The following AKAP3 variants were observed in gnomAD, a reference collection of about 807,000 sequenced individuals.
AKAP3 encodes A-kinase anchor protein 3.
Under a neutral mutation model 57.2 loss-of-function variants are expected in AKAP3, and 27 were observed. The observed-to-expected ratio is 0.47, with a 90% CI of 0.35 to 0.65. The LOEUF (loss-of-function observed/expected upper bound fraction) is 0.65. Ranked by LOEUF, AKAP3 falls within the 30% of genes least tolerant of loss-of-function variation. The probability of loss-of-function intolerance (pLI) is 0.01; values close to 1 mark genes in which losing one functional copy is unlikely to be tolerated. For synonymous variants in AKAP3, 334 were observed against 392.3 expected, an observed-to-expected ratio of 0.85 and a Z score of 1.76; for missense variants, 959 against 1,040.0, an observed-to-expected ratio of 0.92 and a Z score of 1.07.
intron 1 of AKAP3, among the ~76,000 whole-genome samples, chr12:4,648,231 A>G (rs1185546880): frequency 6.6e-6 from 1 of 152,236 alleles, no homozygotes; most frequent in African/African-American, 2.4e-5. Context: ...AAAAATTACA[A>G]GCCATTGCGC....
At chr12:4,620,858 T>A (rs1432575995) in intron 5 of AKAP3, among the ~76,000 whole-genome samples, 2 of 152,206 alleles carry the variant, frequency 1.3e-5, no homozygotes, top group Admixed American at 1.3e-4. Context: ...GATTTCTGTA[T>A]CACTGTACTA....
chr12:4,640,841 C>A (rs1445283098), intron 3 of AKAP3, among the ~76,000 whole-genome samples: 1 of 152,026 alleles, frequency 6.6e-6, no homozygotes, highest in African/African-American at 2.4e-5. Context: ...CAAGTTACTA[C>A]CCCCCGAAAA....
intron 3 of AKAP3, 134 bp from the exon 4 acceptor site, chr12:4,638,330 A>G: frequency 1.5e-6 from 1 of 661,974 alleles, no homozygotes; most frequent in Non-Finnish European, 2.7e-6. Context: ...CCCAACAGCC[A>G]CTTCAGAACC....
chr12:4,635,619 G>T, intron 4 of AKAP3: 1 of 760,882 alleles, frequency 1.3e-6, no homozygotes, highest in Non-Finnish European at 2.3e-6. Context: ...ACAATATCAG[G>T]ACATGCTTGC....
At position 4,615,688 on chromosome 12, in the gene AKAP3, G is replaced by A. The variant is rs1252116491; in HGVS notation, c.*51C>T. The A allele has an allele frequency of 7.6e-6, 12 of 1,584,930 alleles. No individual in the cohort carries two copies. In the South Asian group the frequency reaches 1.0e-4, roughly 14 times the overall value. On this transcript the variant is annotated 3_prime_UTR_variant, in exon 6 of 6. Coordinates refer to ENST00000228850, the MANE Select transcript of AKAP3 (RefSeq NM_001278309.2). ...TGTGGAAGTGAGAAAGAAGGGCGGG[G>A]ATAAGGGCCGGCCCCACTGCCAGAA...
At chr12:4,636,920 T>C (rs1294056565) in intron 4 of AKAP3, among the ~76,000 whole-genome samples, 1 of 152,060 alleles carries the variant, frequency 6.6e-6, no homozygotes, top group South Asian at 2.1e-4. Flanking sequence ...GGCTAATTCT[T>C]TTTTTAGTAA....
At chr12:4,624,763 G>GGAGT (rs1945388733) in intron 5 of AKAP3, among the ~76,000 whole-genome samples, 1 of 86,990 alleles carries the variant, frequency 1.1e-5, no homozygotes, top group African/African-American at 3.3e-5. Context: ...ACTCTTAGAG[G>GGAGT]GAGTCAATAA....
intron 5 of AKAP3, 88 bp from the exon 6 acceptor site, chr12:4,615,982 A>G: frequency 1.3e-6 from 2 of 1,526,742 alleles, no homozygotes; most frequent in Admixed American, 3.9e-5. Context: ...CAGAGAGGCC[A>G]GGCAGACCTT....
In AKAP3 at chr12:4,636,118, C is replaced by T. The variant is rs927452048; in HGVS notation, c.96+1983G>A. The T allele has an allele frequency of 2.3e-5, 23 of 1,014,760 alleles. No homozygotes were observed. The East Asian group carries it at 5.2e-4, about 23-fold the overall frequency. 62.9% of individuals were successfully genotyped at this position (1,014,760 alleles called of 1,614,324 possible). On this transcript the variant is annotated intron_variant, in intron 4 of 5. Transcript: ENST00000228850. Reference sequence around the variant, plus strand: ...CATATTGAACTGGCATATTTTATTTCCAGTATTTGAGCCATAGGGTCTTGC... The same window carrying T: ...CATATTGAACTGGCATATTTTATTTTCAGTATTTGAGCCATAGGGTCTTGC...
In AKAP3 at chr12:4,644,147, A is replaced by G. The variant is rs142647650; in HGVS notation, c.-107+908T>C. On this transcript the variant is annotated intron_variant, in intron 2 of 5. Coordinates refer to ENST00000228850, the MANE Select transcript of AKAP3 (RefSeq NM_001278309.2). ...TGTGTGTGTCTCAATGGCACCATTCATTGTTAAGCTTTCCGGTGGAAAGTC... is the reference window on the plus strand; with the variant it reads ...TGTGTGTGTCTCAATGGCACCATTCGTTGTTAAGCTTTCCGGTGGAAAGTC... 2.0e-5 allele frequency among the ~76,000 whole-genome samples: 3 copies of G among 152,256 alleles called. No individual in the cohort carries two copies. In the East Asian group the frequency reaches 5.8e-4, roughly 29 times the overall value.
chr12:4,648,350 C>T (rs1039026554), intron 1 of AKAP3: 1 of 152,252 alleles, frequency 6.6e-6, no homozygotes, highest in Non-Finnish European at 1.5e-5. Context: ...GAAGCCCACT[C>T]ATGAATCACA....
chr12:4,618,526 G>A (rs988302788), intron 5 of AKAP3, among the ~76,000 whole-genome samples: 3 of 152,166 alleles, frequency 2.0e-5, no homozygotes, highest in Non-Finnish European at 4.4e-5. Context: ...CAAAAACAAG[G>A]AGAAAATCTT....
In AKAP3 at chr12:4,627,790, G is replaced by C. The variant is rs772557601; in HGVS notation, c.1112C>G (p.Thr371Arg). Residue 371 changes from threonine (T) to arginine (R), a missense_variant, in exon 5 of 6, where the codon ACA becomes AGA. Transcript: ENST00000228850. ...CCTTAGCATGGCATCCATGATATCT[G>C]TGGCCTTTTGGCTTCCATGAGAGAA... ...TVFSHGSQKA[T>R]DIMDAMLRKL... 6.8e-6 allele frequency: 11 copies of C among 1,614,126 alleles called. No individual in the cohort carries two copies. The highest frequency in any genetic ancestry group is 1.3e-5 in the African/African-American group (1 of 75,036).
Position 4,628,383 on chromosome 12 carries a change from C to G in AKAP3, c.519G>C (p.Lys173Asn), listed in dbSNP as rs1945453519. ...TCTCATTCACAAGCTCTGATGCTAT[C>G]TTACTGAGGCTTTTGGTGGGTGTGG... ...NEPTPTKSLS[K>N]IASELVNETV... Residue 173 changes from lysine to asparagine, a missense_variant, in exon 5 of 6, where the codon AAG becomes AAC. By Grantham distance (94) the Lys-to-Asn change is moderately conservative (BLOSUM62 0). Transcript: ENST00000228850. 1 of 1,614,094 alleles carries G rather than the reference C, an allele frequency of 6.2e-7. No homozygotes were observed.
Position 4,628,572 on chromosome 12 carries a change from G to A in AKAP3, c.330C>T (p.Gly110=), listed in dbSNP as rs1471991730. The part of the protein sequence containing the change: ...EMTHKEIPCQ[G]PRAQLGNGSS... ...TCCCGTTGCCAAGTTGGGCCCTGGG[G>A]CCCTGGCAAGGAATCTCTTTGTGAG... The change falls in exon 5 of 6, where the codon GGC becomes GGT. Residue 110 remains glycine, a synonymous_variant. Transcript: ENST00000228850. 5 of 1,614,184 alleles carry A rather than the reference G, an allele frequency of 3.1e-6. No homozygotes were observed. The highest frequency in any genetic ancestry group is 3.4e-6 in the Non-Finnish European group (4 of 1,180,016).
At chr12:4,635,853 T>C in intron 4 of AKAP3, 1 of 664,200 alleles carries the variant, frequency 1.5e-6, no homozygotes, top group Non-Finnish European at 2.7e-6. Flanking sequence ...CTTTAATTTA[T>C]CCAAAACGTC....
chr12:4,633,664 C>T (rs1294221607), intron 4 of AKAP3, among the ~76,000 whole-genome samples: 3 of 151,164 alleles, frequency 2.0e-5, no homozygotes, highest in African/African-American at 7.3e-5. Flanking sequence ...AATCCTGGGG[C>T]AAGTTTTCAT....
chr12:4,646,971 C>T (rs994058263), intron 1 of AKAP3, among the ~76,000 whole-genome samples: 2 of 151,908 alleles, frequency 1.3e-5, no homozygotes, highest in African/African-American at 2.4e-5. Context: ...TTAGTAGAGG[C>T]TGGGTTTCAC....
In AKAP3 at chr12:4,627,931, T is replaced by A. The variant is rs771089765; in HGVS notation, c.971A>T (p.Lys324Met). 3.7e-6 allele frequency: 6 copies of A among 1,614,136 alleles called. No homozygotes were observed. In the South Asian group the frequency reaches 6.6e-5, roughly 18 times the overall value. ...ATILLKKVLL[K>M]HAKEVVSDLI... ...ATCCGAGACCACCTCTTTTGCATGC[T>A]TGAGCAGAACCTTCTTCAGTAGGAT... is the stretch of plus-strand genomic sequence containing the variant. The change falls in exon 5 of 6, where the codon AAG becomes ATG. Residue 324 changes from lysine (K) to methionine (M), a missense_variant. Transcript: ENST00000228850.
Sources: allele counts gnomAD v4.1 joint callset (sites outside exome capture counted in the v4.1 genomes callset), GRCh38; gene constraint gnomAD v4.1.1; transcripts MANE v1.5; gene names NCBI Gene and HGNC (gene_info 2026-07-23, HGNC 2026-07-21).